Variants in CTIF observed in about 807,000 individuals in gnomAD.
CTIF encodes the protein CBP80/20-dependent translation initiation factor.
CTIF carries 21 observed loss-of-function variants against 66.0 expected under a neutral mutation model. The ratio of observed to expected loss-of-function variants is 0.32; its 90% CI spans 0.23 to 0.46. CTIF has a LOEUF of 0.46. CTIF is among the 20% of genes least tolerant of loss of function. The probability of loss-of-function intolerance (pLI) is 1.00; values close to 1 mark genes in which losing one functional copy is unlikely to be tolerated. For synonymous variants in CTIF, 345 were observed against 326.4 expected, an observed-to-expected ratio of 1.06 and a Z score of -0.62; for missense variants, 739 against 812.7, an observed-to-expected ratio of 0.91 and a Z score of 1.10.
At chr18:48,567,366 C>G (rs1026376560) in intron 1 of CTIF, 2 of 152,126 alleles carry the variant, frequency 1.3e-5, no homozygotes, top group African/African-American at 4.8e-5. Flanking sequence ...AAAAGTTGAG[C>G]TTATAAATAG....
At chr18:48,572,739 G>C (rs2089443931) in intron 1 of CTIF, among the ~76,000 whole-genome samples, 1 of 152,166 alleles carries the variant, frequency 6.6e-6, no homozygotes, top group Non-Finnish European at 1.5e-5. Context: ...TGTAATCCCA[G>C]CACTTTGGGA....
intron 2 of CTIF, among the ~76,000 whole-genome samples, chr18:48,631,083 C>T (rs960153099): frequency 1.3e-5 from 2 of 152,240 alleles, no homozygotes; most frequent in Non-Finnish European, 2.9e-5. Flanking sequence ...GCACCTCCAG[C>T]CTCCCACACT....
chr18:48,551,363 G>C (rs1026534169), intron 1 of CTIF, among the ~76,000 whole-genome samples: 3 of 151,998 alleles, frequency 2.0e-5, no homozygotes, highest in Non-Finnish European at 2.9e-5. Context: ...AAATGAATAT[G>C]GAAGGATTCT....
intron 9 of CTIF, among the ~76,000 whole-genome samples, chr18:48,814,936 G>T (rs2146311723): frequency 6.6e-6 from 1 of 152,338 alleles, no homozygotes; most frequent in East Asian, 1.9e-4. Flanking sequence ...GAGGCAGGAG[G>T]CCTGAGGGGT....
At chr18:48,732,242 G>T (rs2092463115) in intron 7 of CTIF, among the ~76,000 whole-genome samples, 1 of 152,240 alleles carries the variant, frequency 6.6e-6, no homozygotes, top group Non-Finnish European at 1.5e-5. Context: ...GCCAGAGGCT[G>T]CCACGGGAGA....
intron 1 of CTIF, among the ~76,000 whole-genome samples, chr18:48,547,987 G>A (rs762417819): frequency 3.9e-5 from 6 of 152,216 alleles, no homozygotes; most frequent in Non-Finnish European, 7.3e-5. Context: ...GGAGCTGTGT[G>A]GAATTTATTG....
intron 7 of CTIF, among the ~76,000 whole-genome samples, chr18:48,736,446 C>T (rs1359384630): frequency 6.6e-6 from 1 of 152,188 alleles, no homozygotes; most frequent in Non-Finnish European, 1.5e-5. Flanking sequence ...GGAGAGGACT[C>T]AAGCAGGAAT....
intron 9 of CTIF, among the ~76,000 whole-genome samples, chr18:48,802,590 G>T (rs2068069832): frequency 6.6e-6 from 1 of 152,244 alleles, no homozygotes; most frequent in East Asian, 1.9e-4. Context: ...GTGAGCTGCT[G>T]TGTGGGGCAG....
intron 1 of CTIF, among the ~76,000 whole-genome samples, chr18:48,562,529 C>G (rs1393629308): frequency 6.6e-6 from 1 of 152,162 alleles, no homozygotes; most frequent in Non-Finnish European, 1.5e-5. Context: ...TTCTGCAGCC[C>G]CCCGGGATCT....
At chr18:48,645,932 C>T (rs552833079) in intron 3 of CTIF, among the ~76,000 whole-genome samples, 174 of 152,256 alleles carry the variant, frequency 1.1e-3, no homozygotes, top group Non-Finnish European at 1.9e-3. Flanking sequence ...CCATGAAACA[C>T]GAGTTAAAGC....
intron 9 of CTIF, among the ~76,000 whole-genome samples, chr18:48,781,552 G>T (rs1387535061): frequency 5.3e-5 from 8 of 152,206 alleles, no homozygotes; most frequent in African/African-American, 1.9e-4. Context: ...GGTGGCTGGA[G>T]CCGGGCGGTC....
chr18:48,836,218 A>T (rs1318276050), intron 10 of CTIF, among the ~76,000 whole-genome samples: 5 of 151,932 alleles, frequency 3.3e-5, no homozygotes, highest in Non-Finnish European at 7.4e-5. Context: ...AGTCAGAGTT[A>T]AAAAGTATAT....
intron 7 of CTIF, among the ~76,000 whole-genome samples, chr18:48,725,557 G>A (rs894927325): frequency 2.0e-5 from 3 of 152,144 alleles, no homozygotes; most frequent in African/African-American, 4.8e-5. Context: ...ATGAGGAGGA[G>A]CTCCCACCTT....
chr18:48,545,320 C>T (rs1335104532), intron 1 of CTIF, among the ~76,000 whole-genome samples: 2 of 152,162 alleles, frequency 1.3e-5, no homozygotes, highest in African/African-American at 4.8e-5. Flanking sequence ...GAGAGGTGTA[C>T]AGCCTTGCTT....
intron 7 of CTIF, among the ~76,000 whole-genome samples, chr18:48,724,543 G>T (rs937154538): frequency 2.0e-5 from 3 of 152,140 alleles, no homozygotes; most frequent in African/African-American, 7.2e-5. Flanking sequence ...TGCAGGTTCT[G>T]CTGACTCCTT....
At chr18:48,640,681 T>A (rs183001160) in intron 3 of CTIF, among the ~76,000 whole-genome samples, 74 of 152,352 alleles carry the variant, frequency 4.9e-4, no homozygotes, top group Admixed American at 4.6e-3. Flanking sequence ...GCAGAGGTCC[T>A]GCATTCTGCC....
intron 10 of CTIF, among the ~76,000 whole-genome samples, chr18:48,831,495 C>A (rs2068690689): frequency 1.3e-5 from 2 of 152,244 alleles, no homozygotes; most frequent in Non-Finnish European, 2.9e-5. Flanking sequence ...CTCACTGCCC[C>A]TCCCATGAGG....
chr18:48,843,561 C>T (rs1292797795), intron 10 of CTIF, among the ~76,000 whole-genome samples: 1 of 152,120 alleles, frequency 6.6e-6, no homozygotes, highest in Admixed American at 6.5e-5. Flanking sequence ...TAATGGGGGC[C>T]CTGAGGCACG....
chr18:48,716,118 A>G (rs1177325202), intron 7 of CTIF, among the ~76,000 whole-genome samples: 1 of 144,968 alleles, frequency 6.9e-6, no homozygotes, highest in Admixed American at 6.8e-5. Context: ...GTATCACAGC[A>G]GACACTGCAG....
Sources: allele counts gnomAD v4.1 joint callset (sites outside exome capture counted in the v4.1 genomes callset), GRCh38; gene constraint gnomAD v4.1.1; transcripts MANE v1.5; gene names NCBI Gene and HGNC (gene_info 2026-07-23, HGNC 2026-07-21).